Variants in MCC observed in about 807,000 individuals in gnomAD.
MCC encodes the protein colorectal mutant cancer protein.
MCC carries 90 observed loss-of-function variants against 116.2 expected under a neutral mutation model. That is an observed-to-expected ratio of 0.77 (90% confidence interval 0.65 to 0.92). The LOEUF is 0.92. Ranked by LOEUF, MCC falls within the 40% of genes least tolerant of loss-of-function variation. The pLI is 0.00. For synonymous variants in MCC, 578 were observed against 510.5 expected, an observed-to-expected ratio of 1.13 and a Z score of -1.78; for missense variants, 1,516 against 1,312.2, an observed-to-expected ratio of 1.16 and a Z score of -2.40.
chr5:113,146,465 G>A (rs1759527849), intron 4 of MCC, among the ~76,000 whole-genome samples: 1 of 151,054 alleles, frequency 6.6e-6, no homozygotes, highest in South Asian at 2.1e-4. Context: ...ACCCTGAAAC[G>A]CCTCTGTGAA....
intron 3 of MCC, among the ~76,000 whole-genome samples, chr5:113,190,777 CCT>C (rs1356399839): frequency 3.9e-5 from 6 of 152,184 alleles, no homozygotes; most frequent in African/African-American, 7.2e-5. Context: ...TATGAAACAT[CCT>C]CTGAGTGGAT....
At chr5:113,397,079 C>G (rs1042359784) in intron 1 of MCC, among the ~76,000 whole-genome samples, 1 of 152,132 alleles carries the variant, frequency 6.6e-6, no homozygotes, top group African/African-American at 2.4e-5. Flanking sequence ...TAAAATTCAG[C>G]TTTTAATTTA....
chr5:113,473,158 A>T (rs912563801), intron 1 of MCC, among the ~76,000 whole-genome samples: 16 of 152,214 alleles, frequency 1.1e-4, no homozygotes, highest in African/African-American at 2.9e-4. Flanking sequence ...ATAGAGGGAT[A>T]GCTTATGAAA....
At chr5:113,445,534 A>C (rs1400880176) in intron 1 of MCC, among the ~76,000 whole-genome samples, 2 of 152,202 alleles carry the variant, frequency 1.3e-5, no homozygotes, top group Non-Finnish European at 2.9e-5. Flanking sequence ...AATACATCTA[A>C]CCAAGAAGAT....
chr5:113,232,511 C>T (rs567110021), intron 3 of MCC, among the ~76,000 whole-genome samples: 5 of 152,192 alleles, frequency 3.3e-5, no homozygotes, highest in East Asian at 3.9e-4. Flanking sequence ...ATTCTGAATT[C>T]GCACGCCCAA....
At chr5:113,452,228 G>A (rs186256374) in intron 1 of MCC, among the ~76,000 whole-genome samples, 30 of 152,328 alleles carry the variant, frequency 2.0e-4, no homozygotes, top group Non-Finnish European at 3.2e-4. Flanking sequence ...CAGATTCCAG[G>A]GGGAGGAAAT....
chr5:113,239,691 C>T, intron 3 of MCC, among the ~76,000 whole-genome samples: 1 of 152,166 alleles, frequency 6.6e-6, no homozygotes, highest in Non-Finnish European at 1.5e-5. Flanking sequence ...TGAGAAATGG[C>T]TTCTGTGGAT....
chr5:113,056,940 A>G (rs1424587804), intron 14 of MCC, among the ~76,000 whole-genome samples: 1 of 152,138 alleles, frequency 6.6e-6, no homozygotes, highest in Non-Finnish European at 1.5e-5. Flanking sequence ...TGAAGCAGGG[A>G]AGAGGCGTGG....
intron 3 of MCC, among the ~76,000 whole-genome samples, chr5:113,231,734 TGAAA>T (rs1763947513): frequency 6.6e-6 from 1 of 152,184 alleles, no homozygotes; most frequent in African/African-American, 2.4e-5. Context: ...CCAATGTGTC[TGAAA>T]GAAATAGCAA....
chr5:113,067,307 T>A (rs555439934), intron 13 of MCC, among the ~76,000 whole-genome samples: 4 of 152,248 alleles, frequency 2.6e-5, no homozygotes, highest in African/African-American at 9.6e-5. Flanking sequence ...TACTTCTTCT[T>A]TGTTCGTAAG....
chr5:113,279,014 T>C (rs1454768931), intron 3 of MCC, among the ~76,000 whole-genome samples: 1 of 152,210 alleles, frequency 6.6e-6, no homozygotes. Context: ...CGTTGGTATA[T>C]TAAAGGCAAG....
rs111269084 is a variant in MCC at position 113,084,068 on chromosome 5, T to C, written c.1635+33A>G. ...CCATTGTCTGTGTAGCTCTGCCGGG[T>C]ACTTTCTTGCCTTGCTTCTCATGAA... On this transcript the variant is annotated intron_variant, in intron 10 of 18. Coordinates refer to ENST00000408903, the MANE Select transcript of MCC (RefSeq NM_001085377.2). The C allele has an allele frequency of 3.0e-4, 460 of 1,546,804 alleles. 4 individuals are homozygous for C. The African/African-American group carries it at 5.3e-3, about 18-fold the overall frequency.
intron 1 of MCC, among the ~76,000 whole-genome samples, chr5:113,439,566 CTAGGAAGCAA>C (rs1770970086): frequency 6.6e-6 from 1 of 152,166 alleles, no homozygotes; most frequent in African/African-American, 2.4e-5. Flanking sequence ...ACTTGAAGCA[CTAGGAAGCAA>C]AATCCAATGG....
At chr5:113,156,401 A>T (rs1760172487) in intron 3 of MCC, among the ~76,000 whole-genome samples, 1 of 152,180 alleles carries the variant, frequency 6.6e-6, no homozygotes, top group Admixed American at 6.5e-5. Context: ...CCAGGTAAGC[A>T]CTCAACAAAC....
At chr5:113,405,114 A>G (rs1020706654) in intron 1 of MCC, among the ~76,000 whole-genome samples, 2 of 152,272 alleles carry the variant, frequency 1.3e-5, no homozygotes, top group African/African-American at 4.8e-5. Flanking sequence ...GCATCCTGAT[A>G]TCTAAAAAGC....
chr5:113,218,177 C>G (rs17164185), intron 3 of MCC, among the ~76,000 whole-genome samples: 14,067 of 150,290 alleles, frequency 0.094, 1,122 homozygotes, highest in Admixed American at 0.24. Context: ...CTCTTACTCA[C>G]GAGCACTGGC....
chr5:113,225,452 CT>C (rs1306880775), intron 3 of MCC, among the ~76,000 whole-genome samples: 1 of 152,218 alleles, frequency 6.6e-6, no homozygotes, highest in Admixed American at 6.5e-5. Flanking sequence ...CCACCTCACT[CT>C]TACTAAACTT....
In MCC at chr5:113,077,834, C is replaced by T. The variant is rs1025098977; in HGVS notation, c.1784+5026G>A. Among the ~76,000 whole-genome samples, 367 of 152,080 alleles carry T rather than the reference C, an allele frequency of 2.4e-3. 2 individuals carry two copies. Among genetic ancestry groups the T allele is most frequent in the African/African-American group, 8.5e-3 (351 of 41,484 alleles). ...AGCAGAACTGAAGGAAAGAGAGACA[C>T]AAAAAACCCTTCAAAAAATCAATGA... is the stretch of plus-strand genomic sequence containing the variant. On this transcript the variant is annotated intron_variant, in intron 11 of 18. Transcript: ENST00000408903.
At chr5:113,294,202 T>A (rs982134905) in intron 3 of MCC, 1 of 1,154,582 alleles carries the variant, frequency 8.7e-7, no homozygotes, top group South Asian at 1.6e-5. Context: ...AATCTTCAAT[T>A]GCGCTGCCTC....
Sources: allele counts gnomAD v4.1 joint callset (sites outside exome capture counted in the v4.1 genomes callset), GRCh38; gene constraint gnomAD v4.1.1; transcripts MANE v1.5; gene names NCBI Gene and HGNC (gene_info 2026-07-23, HGNC 2026-07-21).